Variants in CLIP1 observed in about 807,000 individuals in gnomAD.
CLIP1 encodes the protein CAP-Gly domain containing linker protein 1, also known as CAP-Gly domain-containing linker protein 1.
In CLIP1, 66 loss-of-function variants were observed where a neutral mutation model predicts 161.6. The ratio of observed to expected loss-of-function variants is 0.41; its 90% CI spans 0.33 to 0.50. The LOEUF is 0.50. Ranked by LOEUF, CLIP1 falls within the 20% of genes least tolerant of loss-of-function variation. The pLI is 0.27. For synonymous variants in CLIP1, 598 were observed against 626.2 expected, an observed-to-expected ratio of 0.96 and a Z score of 0.67; for missense variants, 1,376 against 1,702.0, an observed-to-expected ratio of 0.81 and a Z score of 3.37.
At chr12:122,410,562 G>A (rs532588319) in intron 1 of CLIP1, among the ~76,000 whole-genome samples, 23 of 150,066 alleles carry the variant, frequency 1.5e-4, no homozygotes, top group Admixed American at 5.4e-4. Context: ...GGGTTCAAGC[G>A]ATTCTCCTGC....
chr12:122,395,826 T>A (rs560335833), intron 1 of CLIP1: 1 of 152,256 alleles, frequency 6.6e-6, no homozygotes, highest in African/African-American at 2.4e-5. Flanking sequence ...CATTTAAGCA[T>A]CCCCGCCAGG....
chr12:122,380,687 T>G, intron 1 of CLIP1, 129 bp from the exon 2 acceptor site: 1 of 331,144 alleles, frequency 3.0e-6, no homozygotes, highest in Non-Finnish European at 5.5e-6. Flanking sequence ...CCTAGGAACC[T>G]AGAAGACTCT....
chr12:122,310,760 G>T, intron 19 of CLIP1, among the ~76,000 whole-genome samples: 1 of 152,276 alleles, frequency 6.6e-6, no homozygotes, highest in Middle Eastern at 3.4e-3. Context: ...ACTCCATTTA[G>T]CAAGCTGTCA....
At chr12:122,335,873 G>A (rs948967348) in intron 12 of CLIP1, among the ~76,000 whole-genome samples, 10 of 151,880 alleles carry the variant, frequency 6.6e-5, no homozygotes, top group Non-Finnish European at 1.2e-4. Context: ...AATGAACAGC[G>A]AAGAGGAAGG....
chr12:122,392,394 T>C (rs569907119), intron 1 of CLIP1, among the ~76,000 whole-genome samples: 1 of 152,226 alleles, frequency 6.6e-6, no homozygotes, highest in African/African-American at 2.4e-5. Flanking sequence ...CAATCCCCTA[T>C]AACCTGCCTC....
chr12:122,377,539 C>T lies in CLIP1; in HGVS notation c.507G>A (p.Gln169=), dbSNP rs1593198284. Residue 169 remains glutamine (Q), a synonymous_variant, in exon 3 of 26, where the codon CAG becomes CAA. Coordinates refer to ENST00000620786, the MANE Select transcript of CLIP1 (RefSeq NM_001247997.2). The part of the protein sequence containing the change: ...SSPSTPSNIP[Q]KPSQPAAKEP... The stretch of plus-strand genomic sequence containing the variant: ...CCTTTGCTGCTGGCTGTGATGGTTT[C>T]TGAGGGATGTTTGAAGGGGTGGAGG... 2 of 1,613,892 alleles carry T rather than the reference C, an allele frequency of 1.2e-6. No individual in the cohort carries two copies. Among genetic ancestry groups the T allele is most frequent in the Non-Finnish European group, 1.7e-6 (2 of 1,180,008 alleles).
intron 5 of CLIP1, among the ~76,000 whole-genome samples, chr12:122,357,892 G>A (rs947061225): frequency 3.3e-5 from 5 of 151,836 alleles, no homozygotes; most frequent in African/African-American, 1.2e-4. Flanking sequence ...CCCCTACTGG[G>A]AAGTGAGGAG....
rs376900195 is a variant in CLIP1, at chr12:122,395,369, T to C, written c.-106-14811A>G. The C allele has an allele frequency of 8.5e-5, 13 of 152,210 alleles. No individual in the cohort carries two copies. The East Asian group carries it at 1.9e-3, about 23-fold the overall frequency. The allele number at this position is 152,210 out of a possible 1,614,324, so 9.4% of individuals were successfully genotyped here. On this transcript the variant is annotated intron_variant, in intron 1 of 25. Coordinates refer to ENST00000620786, the MANE Select transcript of CLIP1 (RefSeq NM_001247997.2). The stretch of plus-strand genomic sequence containing the variant: ...AGAAGTTGAAGAAAATCAACACAAA[T>C]CTAGAATATGAAAATAGTACCTCAT...
At chr12:122,340,693 CATA>C in intron 11 of CLIP1, 57 bp downstream of exon 11, 3 of 1,373,638 alleles carry the variant, frequency 2.2e-6, no homozygotes, top group Non-Finnish European at 3.0e-6. Flanking sequence ...TCAAAAGTAA[CATA>C]ATGCAAAACA....
chr12:122,344,791 T>C (rs1952665893), intron 10 of CLIP1, among the ~76,000 whole-genome samples: 1 of 152,190 alleles, frequency 6.6e-6, no homozygotes. Flanking sequence ...AAACTGGATT[T>C]ATTGGCTAGA....
chr12:122,395,646 G>A (rs1955883831), intron 1 of CLIP1: 1 of 152,158 alleles, frequency 6.6e-6, no homozygotes, highest in African/African-American at 2.4e-5. Flanking sequence ...CTCCACTGCT[G>A]ACCAGCATCA....
intron 5 of CLIP1, among the ~76,000 whole-genome samples, chr12:122,359,664 A>C (rs1814440994): frequency 6.6e-6 from 1 of 152,164 alleles, no homozygotes; most frequent in Admixed American, 6.5e-5. Context: ...TACTTATTCT[A>C]CCTGAACATA....
At position 122,279,109 on chromosome 12, in the gene CLIP1, T is replaced by A; in HGVS notation, c.3684A>T (p.Lys1228Asn). ...TACTGATGGATTTCTGCAAGGAAGC[T>A]TTCTCTTCATCTGCGTCTTTTATGA... ...SKFIKDADEE[K>N]ASLQKSISIT... The change falls in exon 22 of 26, where the codon AAA becomes AAT. Residue 1228 changes from lysine (K) to asparagine (N), a missense_variant. Physicochemically the swap from Lys to Asn is moderately conservative, Grantham distance 94. Around this residue, in one of 6 missense-constraint regions of CLIP1, gnomAD observed 948 missense variants for 1,134.8 expected, o/e 0.84. Coordinates refer to ENST00000620786, the MANE Select transcript of CLIP1 (RefSeq NM_001247997.2). The surrounding 1 kb of genome is among the most constrained non-coding windows in gnomAD (Gnocchi z 4.5). 1 of 1,612,832 alleles carries A rather than the reference T, an allele frequency of 6.2e-7. No homozygotes were observed. The highest frequency in any genetic ancestry group is 1.1e-5 in the South Asian group (1 of 90,722).
At chr12:122,412,673 C>T (rs10846830) in intron 1 of CLIP1, among the ~76,000 whole-genome samples, 2 of 152,046 alleles carry the variant, frequency 1.3e-5, no homozygotes, top group Middle Eastern at 3.4e-3. Flanking sequence ...AAAAAAAAAC[C>T]AAAGTACATA....
chr12:122,372,519 A>G (rs1210720291), intron 3 of CLIP1, among the ~76,000 whole-genome samples: 4 of 151,724 alleles, frequency 2.6e-5, no homozygotes, highest in African/African-American at 7.3e-5. Context: ...CTCACGGGGC[A>G]GAGGATGCAG....
chr12:122,354,956 C>A (rs748760235), intron 6 of CLIP1, 159 bp downstream of exon 6: 3 of 662,764 alleles, frequency 4.5e-6, no homozygotes, highest in Non-Finnish European at 7.8e-6. Context: ...GAAACTGGCA[C>A]CCCAGACTGT....
At chr12:122,362,230 G>A (rs1953874299) in intron 4 of CLIP1, among the ~76,000 whole-genome samples, 1 of 151,274 alleles carries the variant, frequency 6.6e-6, no homozygotes, top group African/African-American at 2.4e-5. Context: ...GGGATTACAG[G>A]CGTGAGCCAC....
chr12:122,286,331 A>G (rs1276163292), intron 21 of CLIP1, among the ~76,000 whole-genome samples: 1 of 151,806 alleles, frequency 6.6e-6, no homozygotes, highest in South Asian at 2.1e-4. Flanking sequence ...AGCCTGGCCA[A>G]GATGGTGAAA....
chr12:122,342,279 T>G (rs1555268461), intron 10 of CLIP1: 2 of 152,354 alleles, frequency 1.3e-5, no homozygotes, highest in East Asian at 3.9e-4. Flanking sequence ...ACAGTAACTT[T>G]CAAAGTTCAC....
Sources: allele counts gnomAD v4.1 joint callset (sites outside exome capture counted in the v4.1 genomes callset), GRCh38; gene constraint gnomAD v4.1.1; regional missense constraint gnomAD v4.1.1; non-coding constraint Gnocchi (gnomAD v3.1); transcripts MANE v1.5; gene names NCBI Gene and HGNC (gene_info 2026-07-23, HGNC 2026-07-21).